Variants in CTXND1 observed in about 807,000 individuals in gnomAD.
CTXND1 encodes cortexin domain containing 1, also known as cortexin domain-containing 1 protein.
At chr15:80,237,336 G>GGA (rs774070650) in intron 1 of CTXND1, among the ~76,000 whole-genome samples, 3 of 101,582 alleles carry the variant, frequency 3.0e-5, no homozygotes, top group Non-Finnish European at 2.0e-5. Flanking sequence ...CAGTGTCTCA[G>GGA]AAAAAAAAAA....
intron 1 of CTXND1, among the ~76,000 whole-genome samples, chr15:80,250,081 G>T (rs1015378988): frequency 1.3e-5 from 2 of 152,054 alleles, no homozygotes; most frequent in East Asian, 1.9e-4. Context: ...TTCTATTTAC[G>T]TCATGAAAAT....
chr15:80,211,939 A>G (rs560218839), intron 1 of CTXND1, among the ~76,000 whole-genome samples: 1 of 152,272 alleles, frequency 6.6e-6, no homozygotes, highest in South Asian at 2.1e-4. Context: ...AGCAGGTCAC[A>G]CTTACAACTC....
chr15:80,205,331 A>G (rs566541904), intron 1 of CTXND1, among the ~76,000 whole-genome samples: 1 of 152,228 alleles, frequency 6.6e-6, no homozygotes, highest in East Asian at 1.9e-4. Flanking sequence ...CATTTTGCAC[A>G]TGTCTGAGTA....
chr15:80,222,698 C>A (rs1465405489), intron 1 of CTXND1, among the ~76,000 whole-genome samples: 1 of 152,022 alleles, frequency 6.6e-6, no homozygotes, highest in Non-Finnish European at 1.5e-5. Flanking sequence ...GTTTTTCTTA[C>A]AGTTTTGCCT....
intron 1 of CTXND1, among the ~76,000 whole-genome samples, chr15:80,215,337 CT>C (rs1178490137): frequency 2.6e-5 from 4 of 152,202 alleles, no homozygotes; most frequent in Non-Finnish European, 5.9e-5. Context: ...CCTGTTAGTA[CT>C]TCCATTGAAC....
In CTXND1 at chr15:80,219,330, G is replaced by C. The variant is rs114753582; in HGVS notation, c.-217-15590C>G. On this transcript the variant is annotated intron_variant, in intron 1 of 2. Transcript: ENST00000560778. ...CTTTTTCATTCAACTCGATGACTTT[G>C]AGACTTTTCCTCATGCCAATACATG... 3.6e-3 allele frequency among the ~76,000 whole-genome samples: 548 copies of C among 152,218 alleles called. 3 individuals are homozygous for C. The highest frequency in any genetic ancestry group is 0.013 in the African/African-American group (535 of 41,530).
chr15:80,247,365 T>C (rs1008610224), intron 1 of CTXND1, among the ~76,000 whole-genome samples: 1 of 152,094 alleles, frequency 6.6e-6, no homozygotes, highest in African/African-American at 2.4e-5. Flanking sequence ...GGGTGCCTTT[T>C]GTCTTGTGTG....
rs77900235 is a variant in CTXND1, at chr15:80,234,830, C to A, written c.-218+17177G>T. ...TTCCATCGCCTGTGTCAAAATGTCC[C>A]CTTTATCTAAACAGCTGCACAGTGC... On this transcript the variant is annotated intron_variant, in intron 1 of 2. Coordinates refer to ENST00000560778, the MANE Select transcript of CTXND1 (RefSeq NM_001352888.2). Among the ~76,000 whole-genome samples, 1,110 of 152,298 alleles carry A rather than the reference C, an allele frequency of 7.3e-3. 8 individuals are homozygous for A. Among genetic ancestry groups the A allele is most frequent in the African/African-American group, 0.026 (1,060 of 41,568 alleles).
rs1304051271 is a variant in CTXND1 at position 80,199,531 on chromosome 15, C to T, written c.*2239G>A. 2 of 152,336 alleles carry T rather than the reference C, an allele frequency of 1.3e-5. No homozygotes were observed. Among genetic ancestry groups the T allele is most frequent in the African/African-American group, 4.8e-5 (2 of 41,462 alleles). 9.4% of individuals were successfully genotyped at this position (152,336 alleles called of 1,614,324 possible). On this transcript the variant is annotated 3_prime_UTR_variant, in exon 3 of 3. Coordinates refer to ENST00000560778, the MANE Select transcript of CTXND1 (RefSeq NM_001352888.2). ...CTTTTCACAGAAATGCCTGGCTTCTCAAGGTAGGCTTCAGAGTGAGGGCTG... is the reference window on the plus strand; with the variant it reads ...CTTTTCACAGAAATGCCTGGCTTCTTAAGGTAGGCTTCAGAGTGAGGGCTG...
intron 1 of CTXND1, among the ~76,000 whole-genome samples, chr15:80,246,951 C>A (rs912088530): frequency 2.0e-5 from 3 of 152,192 alleles, no homozygotes; most frequent in African/African-American, 7.2e-5. Context: ...TTTCCCAGGC[C>A]TGCTGTGTGA....
At position 80,203,753 on chromosome 15, in the gene CTXND1, G is replaced by C. The variant is rs993219066; in HGVS notation, c.-217-13C>G. The C allele has an allele frequency of 4.6e-5, 7 of 152,154 alleles. No individual in the cohort carries two copies. Among genetic ancestry groups the C allele is most frequent in the African/African-American group, 1.7e-4 (7 of 41,400 alleles). The allele number at this position is 152,154 out of a possible 1,614,324, so 9.4% of individuals were successfully genotyped here. A position where few individuals can be genotyped will look rare whatever the true frequency, so the allele number is the denominator to read the frequency against. ...CGCTGGAGTGTGACTGTAAGAGAAAGAGACAAAGAAGACTAGTTATTTCCT... is the reference window on the plus strand; with the variant it reads ...CGCTGGAGTGTGACTGTAAGAGAAACAGACAAAGAAGACTAGTTATTTCCT... On this transcript the variant is annotated splice_polypyrimidine_tract_variant and intron_variant, in intron 1 of 2. Coordinates refer to ENST00000560778, the MANE Select transcript of CTXND1 (RefSeq NM_001352888.2).
At chr15:80,221,083 G>A (rs1376543436) in intron 1 of CTXND1, among the ~76,000 whole-genome samples, 7 of 151,768 alleles carry the variant, frequency 4.6e-5, no homozygotes, top group Non-Finnish European at 8.8e-5. Flanking sequence ...TAATTTTTTT[G>A]TATTTTTAGT....
intron 1 of CTXND1, among the ~76,000 whole-genome samples, chr15:80,211,147 G>T (rs1893200375): frequency 6.6e-6 from 1 of 152,226 alleles, no homozygotes; most frequent in Non-Finnish European, 1.5e-5. Context: ...GCCCACACCT[G>T]TTAGGCCGGC....
At chr15:80,241,561 A>C (rs1469621008) in intron 1 of CTXND1, among the ~76,000 whole-genome samples, 1 of 152,198 alleles carries the variant, frequency 6.6e-6, no homozygotes, top group African/African-American at 2.4e-5. Context: ...AGCTGCCATG[A>C]GGGCAGGGGC....
At chr15:80,229,862 C>G in intron 1 of CTXND1, among the ~76,000 whole-genome samples, 1 of 151,848 alleles carries the variant, frequency 6.6e-6, no homozygotes, top group South Asian at 2.1e-4. Flanking sequence ...TTATGTTGGC[C>G]TCAAACAGAG....
In CTXND1 at chr15:80,229,036, C is replaced by T. The variant is rs116519063; in HGVS notation, c.-218+22971G>A. Among the ~76,000 whole-genome samples the T allele has an allele frequency of 4.2e-3, 646 of 152,240 alleles. 5 individuals carry two copies. Among genetic ancestry groups the T allele is most frequent in the African/African-American group, 0.014 (598 of 41,522 alleles). On this transcript the variant is annotated intron_variant, in intron 1 of 2. Transcript: ENST00000560778. ...GCTTAGCTAGTCAGTATAATGCAAA[C>T]ATTTCAAAATCTGAACACTCCTGGT...
At chr15:80,251,819 G>A (rs1893700158) in intron 1 of CTXND1, among the ~76,000 whole-genome samples, 188 bp downstream of exon 1, 1 of 152,034 alleles carries the variant, frequency 6.6e-6, no homozygotes, top group African/African-American at 2.4e-5. Context: ...TGCCGCCGAG[G>A]AGGGGATCGG....
At chr15:80,216,854 A>T (rs527246283) in intron 1 of CTXND1, among the ~76,000 whole-genome samples, 23 of 152,016 alleles carry the variant, frequency 1.5e-4, no homozygotes, top group Non-Finnish European at 3.1e-4. Flanking sequence ...ACCTCAAATG[A>T]TCCACCTGCC....
Position 80,249,110 on chromosome 15 carries a change from C to T in CTXND1, c.-218+2897G>A, listed in dbSNP as rs570315774. On this transcript the variant is annotated intron_variant, in intron 1 of 2. Coordinates refer to ENST00000560778, the MANE Select transcript of CTXND1 (RefSeq NM_001352888.2). ...TGGGACTATAGGCATACCACCATGCCTGGCTAATTTTTAAAATTTTTTTGT... is the reference window on the plus strand; with the variant it reads ...TGGGACTATAGGCATACCACCATGCTTGGCTAATTTTTAAAATTTTTTTGT... 3.3e-5 allele frequency among the ~76,000 whole-genome samples: 5 copies of T among 152,192 alleles called. No individual in the cohort carries two copies. In the South Asian group the frequency reaches 1.0e-3, roughly 32 times the overall value.
Sources: allele counts gnomAD v4.1 joint callset (sites outside exome capture counted in the v4.1 genomes callset), GRCh38; gene constraint gnomAD v4.1.1; transcripts MANE v1.5; gene names NCBI Gene and HGNC (gene_info 2026-07-23, HGNC 2026-07-21).